The following RFPL1 variants were observed in gnomAD, a reference collection of about 807,000 sequenced individuals.
RFPL1 encodes the protein ret finger protein like 1.
In RFPL1, 6 loss-of-function variants were observed where a neutral mutation model predicts 9.6. The observed-to-expected ratio is 0.62, with a 90% CI of 0.34 to 1.23. The LOEUF (loss-of-function observed/expected upper bound fraction) is 1.23, where lower values mean the gene tolerates loss of function less well. RFPL1 is among the 50% of genes most tolerant of loss of function. RFPL1 has a pLI of 0.03. For synonymous variants in RFPL1, 145 were observed against 149.4 expected (o/e 0.97, Z 0.22); for missense variants, 352 against 398.4 (o/e 0.88, Z 0.99).
At chr22:29,403,014 C>CATTG in the RFPL1 span, among the ~76,000 whole-genome samples, 3 of 144,492 alleles carry the variant, frequency 2.1e-5, no homozygotes, top group African/African-American at 8.0e-5. Context: ...GGGTACTAGC[C>CATTG]ATTGGGCAGG....
chr22:29,418,347 T>C, the RFPL1 span, among the ~76,000 whole-genome samples: 10 of 152,300 alleles, frequency 6.6e-5, no homozygotes, highest in East Asian at 9.7e-4. Flanking sequence ...TCGGGTGCGA[T>C]AGAGGCTGCA....
the RFPL1 span, among the ~76,000 whole-genome samples, chr22:29,418,496 CTTTTTTTTT>C: frequency 5.6e-5 from 7 of 124,474 alleles, no homozygotes; most frequent in Non-Finnish European, 8.6e-5. Flanking sequence ...TCTTCGTCTT[CTTTTTTTTT>C]TTTTTTTTTT....
chr22:29,419,172 G>A, the RFPL1 span: 13 of 1,607,500 alleles, frequency 8.1e-6, no homozygotes, highest in Middle Eastern at 1.7e-4. Context: ...CTTTGCCCAC[G>A]GTCATCGATG....
the RFPL1 span, among the ~76,000 whole-genome samples, chr22:29,391,515 A>C: frequency 2.0e-5 from 3 of 152,190 alleles, no homozygotes. Context: ...AAATTATCCT[A>C]CAAAACAAAC....
At chr22:29,426,264 G>A in the RFPL1 span, among the ~76,000 whole-genome samples, 7 of 151,888 alleles carry the variant, frequency 4.6e-5, no homozygotes, top group Middle Eastern at 3.4e-3. Flanking sequence ...TGAGGGTTAC[G>A]GAGATCTGAG....
At chr22:29,428,175 GA>G in the RFPL1 span, among the ~76,000 whole-genome samples, 11 of 152,118 alleles carry the variant, frequency 7.2e-5, no homozygotes, top group Admixed American at 1.3e-4. Context: ...TGCTAATGTT[GA>G]AAAACGAAAG....
the RFPL1 span, among the ~76,000 whole-genome samples, chr22:29,419,526 T>G: frequency 6.6e-6 from 1 of 152,010 alleles, no homozygotes; most frequent in South Asian, 2.1e-4. Context: ...GAGGATCAGC[T>G]GGGCACGGTG....
chr22:29,397,801 T>C, the RFPL1 span, among the ~76,000 whole-genome samples: 2 of 152,160 alleles, frequency 1.3e-5, no homozygotes, highest in African/African-American at 4.8e-5. Context: ...TAAAGAGGCA[T>C]GTGGAAGCTG....
upstream of RFPL1, chr22:29,437,019 C>G (rs1264598228): frequency 6.6e-6 from 1 of 152,282 alleles, no homozygotes; most frequent in Non-Finnish European, 1.5e-5. Context: ...ACTCACTTCA[C>G]GGGTAACAAT....
chr22:29,439,469 T>C, intron 1 of RFPL1: 1 of 325,478 alleles, frequency 3.1e-6, no homozygotes. Context: ...CTGTCTCTAC[T>C]AAAAATACAA....
chr22:29,438,860 T>C (rs760489697), exon 1 of RFPL1: 2 of 1,613,884 alleles, frequency 1.2e-6, no homozygotes, highest in South Asian at 2.2e-5. Flanking sequence ...CCTTGTGCAC[T>C]TTTCCCCTGG....
chr22:29,402,356 A>C, the RFPL1 span, among the ~76,000 whole-genome samples: 3 of 152,272 alleles, frequency 2.0e-5, no homozygotes, highest in Non-Finnish European at 1.5e-5. Flanking sequence ...ATTTTGTATA[A>C]GAAAAACACG....
At chr22:29,441,601 A>T (rs2062839335) in exon 2 of RFPL1, 1 of 1,613,948 alleles carries the variant, frequency 6.2e-7, no homozygotes, top group Non-Finnish European at 8.5e-7. Context: ...TGACGACCTC[A>T]GGAGCGTCCG....
the RFPL1 span, among the ~76,000 whole-genome samples, chr22:29,399,872 C>T: frequency 6.6e-6 from 1 of 152,034 alleles, no homozygotes; most frequent in Non-Finnish European, 1.5e-5. Flanking sequence ...CCCTCTTCAA[C>T]TTTTGTGATG....
At chr22:29,416,624 G>A in the RFPL1 span, among the ~76,000 whole-genome samples, 1,090 of 152,302 alleles carry the variant, frequency 7.2e-3, 14 homozygotes, top group African/African-American at 0.025. Context: ...TGGTTCTGGA[G>A]GGTCGCAGGG....
chr22:29,415,629 T>C, the RFPL1 span, among the ~76,000 whole-genome samples: 1 of 152,220 alleles, frequency 6.6e-6, no homozygotes, highest in East Asian at 1.9e-4. Flanking sequence ...ACAAAACTCC[T>C]CAGACACCGG....
At chr22:29,404,910 T>C in the RFPL1 span, among the ~76,000 whole-genome samples, 1 of 152,224 alleles carries the variant, frequency 6.6e-6, no homozygotes, top group Non-Finnish European at 1.5e-5. Context: ...AAACATTTTT[T>C]ATAGAGAAGA....
the RFPL1 span, among the ~76,000 whole-genome samples, chr22:29,399,531 C>T: frequency 1.3e-5 from 2 of 152,230 alleles, no homozygotes; most frequent in African/African-American, 2.4e-5. Flanking sequence ...AGGATTTCAT[C>T]GGATGTTGGT....
At chr22:29,409,536 G>T in the RFPL1 span, among the ~76,000 whole-genome samples, 1 of 152,092 alleles carries the variant, frequency 6.6e-6, no homozygotes, top group Non-Finnish European at 1.5e-5. Flanking sequence ...GGATTCCTCA[G>T]CAGCACCAAT....
Sources: gnomAD v4.1 joint callset for allele counts (sites outside exome capture counted in the v4.1 genomes callset) on GRCh38, gnomAD v4.1.1 for gene constraint, MANE v1.5 for transcripts, NCBI Gene and HGNC (gene_info 2026-07-23, HGNC 2026-07-21) for gene names.